Variants in PCLO observed in about 807,000 individuals in gnomAD.
PCLO encodes piccolo presynaptic cytomatrix protein.
In PCLO, 82 loss-of-function variants were observed where a neutral mutation model predicts 427.5. The observed-to-expected ratio is 0.19, with a 90% CI of 0.16 to 0.23. The LOEUF is 0.23. Among genes scored for constraint, PCLO ranks in the 10% least tolerant of loss-of-function variants. The pLI is 1.00. For missense variants in PCLO, 6,239 were observed against 6,115.9 expected, an observed-to-expected ratio of 1.02 and a Z score of -0.67; for synonymous variants, 2,357 against 2,155.4, an observed-to-expected ratio of 1.09 and a Z score of -2.59.
chr7:82,878,049 A>G (rs1056273179), intron 10 of PCLO, among the ~76,000 whole-genome samples: 1 of 152,188 alleles, frequency 6.6e-6, no homozygotes, highest in Non-Finnish European at 1.5e-5. Flanking sequence ...CAAATAATTA[A>G]GCAAGCAAGC....
At chr7:82,792,825 T>C (rs932134069) in intron 22 of PCLO, among the ~76,000 whole-genome samples, 2 of 152,120 alleles carry the variant, frequency 1.3e-5, no homozygotes, top group Non-Finnish European at 2.9e-5. Flanking sequence ...ATATATGGGC[T>C]TTTTAAATTT....
chr7:83,042,661 C>T (rs1789000562), intron 3 of PCLO, among the ~76,000 whole-genome samples: 1 of 152,014 alleles, frequency 6.6e-6, no homozygotes, highest in South Asian at 2.1e-4. Context: ...AGGAGTTCGA[C>T]ACCAGCCTGG....
chr7:83,128,960 C>A (rs1791507431), intron 3 of PCLO, among the ~76,000 whole-genome samples: 1 of 152,098 alleles, frequency 6.6e-6, no homozygotes. Flanking sequence ...ATTCCAAGGG[C>A]CCCAAATGTT....
At chr7:83,139,722 C>T (rs377035484) in intron 2 of PCLO, among the ~76,000 whole-genome samples, 5 of 152,260 alleles carry the variant, frequency 3.3e-5, no homozygotes, top group African/African-American at 1.2e-4. Context: ...TTTATTTTAA[C>T]TTTGATAAAC....
In PCLO at chr7:82,798,889, G is replaced by A. The variant is rs113302777; in HGVS notation, c.15007+2629C>T. ...TGTCTTGTTCCCATCCTCAACCCCC[G>A]CCCCTCTGCTCAATAACTAATCTAA... is the stretch of plus-strand genomic sequence containing the variant. On this transcript the variant is annotated intron_variant, in intron 22 of 24. Coordinates refer to ENST00000333891, the MANE Select transcript of PCLO (RefSeq NM_033026.6). Among the ~76,000 whole-genome samples, 331 of 151,958 alleles carry A rather than the reference G, an allele frequency of 2.2e-3. 1 individual carries two copies. Among genetic ancestry groups the A allele is most frequent in the African/African-American group, 7.7e-3 (321 of 41,486 alleles).
chr7:82,977,380 T>TTTTA (rs200252038), intron 3 of PCLO, among the ~76,000 whole-genome samples: 28,359 of 132,276 alleles, frequency 0.21, 2,932 homozygotes, highest in African/African-American at 0.26. Flanking sequence ...AATTCATCTT[T>TTTTA]TTTATTTATT....
intron 3 of PCLO, chr7:83,018,157 T>G (rs1424253078): frequency 1.3e-5 from 2 of 152,064 alleles, no homozygotes; most frequent in African/African-American, 4.8e-5. Context: ...CCAAATAAAG[T>G]GTTCCTCAAT....
Position 82,951,304 on chromosome 7 carries a change from G to C in PCLO, c.9284C>G (p.Thr3095Ser). 6.2e-7 allele frequency: 1 copy of C among 1,612,952 alleles called. No homozygotes were observed. The highest frequency in any genetic ancestry group is 8.5e-7 in the Non-Finnish European group (1 of 1,179,480). ...SNGVVYSSVATPTPSTFAITT... is the reference protein window; with the variant it reads ...SNGVVYSSVASPTPSTFAITT... ...GATAGCAAATGTAGAGGGTGTTGGA[G>C]TTGCTACTGAAGAATAGACAACACC... The change falls in exon 6 of 25, where the codon ACT becomes AGT. Residue 3095 changes from threonine to serine, a missense_variant. By Grantham distance (58) the Thr-to-Ser change is moderately conservative. This residue lies in a region of PCLO where 4,677 missense variants were observed against 4,468.4 expected (regional missense o/e 1.05). Transcript: ENST00000333891.
At chr7:83,161,574 G>A (rs1332966934) in intron 1 of PCLO, among the ~76,000 whole-genome samples, 1 of 152,182 alleles carries the variant, frequency 6.6e-6, no homozygotes, top group African/African-American at 2.4e-5. Context: ...GCCTATGCAA[G>A]TTGCCATTTA....
At chr7:83,034,361 A>G (rs1788741826) in intron 3 of PCLO, among the ~76,000 whole-genome samples, 1 of 152,096 alleles carries the variant, frequency 6.6e-6, no homozygotes, top group Admixed American at 6.6e-5. Context: ...GCTACTTTTT[A>G]TATTTTTAGA....
At position 82,915,547 on chromosome 7, in the gene PCLO, G is replaced by A; in HGVS notation, c.12439C>T (p.His4147Tyr). The A allele has an allele frequency of 1.9e-6, 3 of 1,613,690 alleles. No individual in the cohort carries two copies. Among genetic ancestry groups the A allele is most frequent in the Non-Finnish European group, 1.7e-6 (2 of 1,179,732 alleles). ...TAGCTAGTATCAGCATGGTAATAAT[G>A]AGAAAGACCAGCAAGGTGATCTAAG... ...ESLDHLAGLS[H>Y]YYHADTSYRH... The change falls in exon 7 of 25, where the codon CAT (histidine) becomes TAT (tyrosine). Residue 4147 changes from histidine (H) to tyrosine (Y), a missense_variant. Physicochemically the swap from His to Tyr is moderately conservative, Grantham distance 83 (BLOSUM62 2). This residue lies in a region of PCLO where 680 missense variants were observed against 677.3 expected (regional missense o/e 1.00). Coordinates refer to ENST00000333891, the MANE Select transcript of PCLO (RefSeq NM_033026.6).
intron 22 of PCLO, among the ~76,000 whole-genome samples, chr7:82,800,482 G>C (rs1420727823): frequency 6.6e-6 from 1 of 152,124 alleles, no homozygotes; most frequent in African/African-American, 2.4e-5. Flanking sequence ...ATAGGTAATT[G>C]TAAGAATTAA....
At position 82,907,174 on chromosome 7, in the gene PCLO, G is replaced by A. The variant is rs1378894472; in HGVS notation, c.13437+1703C>T. 3.9e-5 allele frequency among the ~76,000 whole-genome samples: 6 copies of A among 151,916 alleles called. No homozygotes were observed. In the Admixed American group the frequency reaches 3.9e-4, roughly 10 times the overall value. On this transcript the variant is annotated intron_variant, in intron 8 of 24. Coordinates refer to ENST00000333891, the MANE Select transcript of PCLO (RefSeq NM_033026.6). ...GAATATTAGTTTGATAAATTAGGTGGAAAAGACTATTCTCAGTGCCCGTGG... is the reference window on the plus strand; with the variant it reads ...GAATATTAGTTTGATAAATTAGGTGAAAAAGACTATTCTCAGTGCCCGTGG...
At chr7:83,132,293 A>G (rs1408942472) in intron 3 of PCLO, among the ~76,000 whole-genome samples, 1 of 152,090 alleles carries the variant, frequency 6.6e-6, no homozygotes, top group Non-Finnish European at 1.5e-5. Flanking sequence ...CCACAGAGCA[A>G]AATAATTTGA....
At chr7:82,804,764 T>C in intron 21 of PCLO, among the ~76,000 whole-genome samples, 1 of 152,182 alleles carries the variant, frequency 6.6e-6, no homozygotes, top group East Asian at 1.9e-4. Context: ...CCTATAATTT[T>C]CAAGTGTCAC....
chr7:83,006,574 T>TA (rs999190924), intron 3 of PCLO, among the ~76,000 whole-genome samples: 3 of 150,982 alleles, frequency 2.0e-5, no homozygotes, highest in Non-Finnish European at 3.0e-5. Flanking sequence ...GGAAATACAG[T>TA]AAAAAAAAAT....
chr7:83,050,626 T>C (rs1789228457), intron 3 of PCLO, among the ~76,000 whole-genome samples: 2 of 151,852 alleles, frequency 1.3e-5, no homozygotes, highest in Non-Finnish European at 2.9e-5. Flanking sequence ...TATGCAAAGC[T>C]GGGTTAACAT....
At chr7:83,021,270 G>A (rs1788336110) in intron 3 of PCLO, among the ~76,000 whole-genome samples, 1 of 152,056 alleles carries the variant, frequency 6.6e-6, no homozygotes, top group South Asian at 2.1e-4. Flanking sequence ...CACTTTCTCT[G>A]CTGCAAACCC....
At chr7:82,880,325 T>TA in intron 9 of PCLO, 3 of 349,690 alleles carry the variant, frequency 8.6e-6, no homozygotes, top group South Asian at 6.7e-5. Flanking sequence ...CTTTAATGCA[T>TA]AGTGGTTTTA....
Sources: gnomAD v4.1 joint callset for allele counts (sites outside exome capture counted in the v4.1 genomes callset) on GRCh38, gnomAD v4.1.1 for gene constraint, gnomAD v4.1.1 regional missense constraint, MANE v1.5 for transcripts, NCBI Gene and HGNC (gene_info 2026-07-23, HGNC 2026-07-21) for gene names.